Variants in IMMP2L observed in about 807,000 individuals in gnomAD.
IMMP2L encodes the protein inner mitochondrial membrane peptidase subunit 2.
In IMMP2L, 18 loss-of-function variants were observed where a neutral mutation model predicts 19.3. The ratio of observed to expected loss-of-function variants is 0.93; its 90% CI spans 0.64 to 1.38. The LOEUF (loss-of-function observed/expected upper bound fraction) is 1.38. Among genes scored for constraint, IMMP2L ranks in the 40% most tolerant of loss-of-function variants. The pLI is 0.00. For synonymous variants in IMMP2L, 76 were observed against 73.0 expected (o/e 1.04, Z -0.21); for missense variants, 233 against 218.2 (o/e 1.07, Z -0.43).
chr7:111,440,600 G>C (rs942056217), intron 3 of IMMP2L, among the ~76,000 whole-genome samples: 1 of 151,830 alleles, frequency 6.6e-6, no homozygotes, highest in South Asian at 2.1e-4. Context: ...ATAGAGCACA[G>C]TCAGAGCATA....
rs146840813 is a variant in IMMP2L at position 111,164,511 on chromosome 7, A to T, written c.240-200946T>A. ...AAGCTCAGAGATTGACACCAGATGG[A>T]TTTACCAGGAATGGGATGAAAGAGT... On this transcript the variant is annotated intron_variant, in intron 3 of 5. Coordinates refer to ENST00000405709, the MANE Select transcript of IMMP2L (RefSeq NM_032549.4). Among the ~76,000 whole-genome samples, 343 of 151,534 alleles carry T rather than the reference A, an allele frequency of 2.3e-3. 5 individuals carry two copies. Among genetic ancestry groups the T allele is most frequent in the African/African-American group, 8.0e-3 (329 of 40,964 alleles).
intron 4 of IMMP2L, among the ~76,000 whole-genome samples, chr7:110,944,103 T>G (rs1246552363): frequency 6.6e-6 from 1 of 152,008 alleles, no homozygotes; most frequent in East Asian, 1.9e-4. Context: ...TCATTAAATT[T>G]GACAAATACT....
At chr7:111,093,496 T>C (rs1364948939) in intron 3 of IMMP2L, among the ~76,000 whole-genome samples, 1 of 152,150 alleles carries the variant, frequency 6.6e-6, no homozygotes, top group Non-Finnish European at 1.5e-5. Flanking sequence ...TTAATTCAGT[T>C]TTTCTTAGAC....
At position 111,073,847 on chromosome 7, in the gene IMMP2L, T is replaced by C. The variant is rs543489632; in HGVS notation, c.240-110282A>G. 1.1e-4 allele frequency among the ~76,000 whole-genome samples: 16 copies of C among 152,338 alleles called. No individual in the cohort carries two copies. The East Asian group carries it at 2.9e-3, about 28-fold the overall frequency. On this transcript the variant is annotated intron_variant, in intron 3 of 5. Transcript: ENST00000405709. ...TGGTCTGTACACTAATGTTCTTTAA[T>C]TATTAACCTTTGTCTTTGTTGTAGG...
intron 3 of IMMP2L, among the ~76,000 whole-genome samples, chr7:111,018,798 T>C (rs1324167012): frequency 1.9e-5 from 2 of 104,726 alleles, no homozygotes; most frequent in Admixed American, 9.0e-5. Context: ...TTATTATTAT[T>C]ATTATTATTA....
chr7:111,097,502 T>A (rs2129579172), intron 3 of IMMP2L, among the ~76,000 whole-genome samples: 1 of 152,040 alleles, frequency 6.6e-6, no homozygotes, highest in East Asian at 1.9e-4. Flanking sequence ...ACATTTGTTC[T>A]ATAATTTATA....
chr7:111,399,541 G>T (rs1833225481), intron 3 of IMMP2L, among the ~76,000 whole-genome samples: 1 of 151,894 alleles, frequency 6.6e-6, no homozygotes, highest in Non-Finnish European at 1.5e-5. Context: ...TTTTATTAGA[G>T]ACAGGGTTTC....
chr7:111,174,993 CT>C (rs934376159), intron 3 of IMMP2L, among the ~76,000 whole-genome samples: 1 of 151,770 alleles, frequency 6.6e-6, no homozygotes, highest in African/African-American at 2.4e-5. Context: ...CATTAAAAAC[CT>C]TTACATTTTA....
At chr7:110,890,909 G>T (rs908352080) in intron 4 of IMMP2L, among the ~76,000 whole-genome samples, 17 of 152,132 alleles carry the variant, frequency 1.1e-4, no homozygotes, top group African/African-American at 3.6e-4. Context: ...CAAAAGTATT[G>T]TCTAGGTAAT....
At chr7:111,400,844 T>C (rs1394686871) in intron 3 of IMMP2L, among the ~76,000 whole-genome samples, 2 of 152,106 alleles carry the variant, frequency 1.3e-5, no homozygotes, top group African/African-American at 4.8e-5. Flanking sequence ...AGTATTATTT[T>C]ATAATTTTAC....
intron 5 of IMMP2L, among the ~76,000 whole-genome samples, chr7:110,753,594 T>G (rs1019806045): frequency 3.3e-5 from 5 of 152,052 alleles, no homozygotes; most frequent in African/African-American, 1.2e-4. Flanking sequence ...GAATTGCAAA[T>G]GTATTCATTA....
At chr7:111,558,236 C>T (rs923451849) in intron 1 of IMMP2L, among the ~76,000 whole-genome samples, 2 of 152,118 alleles carry the variant, frequency 1.3e-5, no homozygotes, top group African/African-American at 2.4e-5. Context: ...TTCACAACCC[C>T]TCTCCTTTGT....
intron 5 of IMMP2L, among the ~76,000 whole-genome samples, chr7:110,848,708 T>C (rs574483731): frequency 6.6e-6 from 1 of 152,094 alleles, no homozygotes; most frequent in African/African-American, 2.4e-5. Context: ...ATCCAGACAA[T>C]GGAATATTAT....
At chr7:110,853,380 G>C (rs1806440413) in intron 5 of IMMP2L, among the ~76,000 whole-genome samples, 1 of 151,998 alleles carries the variant, frequency 6.6e-6, no homozygotes, top group African/African-American at 2.4e-5. Context: ...TCTCTAGATT[G>C]TGTGTTCATG....
At chr7:111,325,036 G>T (rs1825165303) in intron 3 of IMMP2L, among the ~76,000 whole-genome samples, 3 of 151,732 alleles carry the variant, frequency 2.0e-5, no homozygotes, top group African/African-American at 7.2e-5. Flanking sequence ...ACATAATTGT[G>T]TTCTCTGAAT....
At chr7:110,818,777 G>A (rs1208123768) in intron 5 of IMMP2L, among the ~76,000 whole-genome samples, 1 of 151,976 alleles carries the variant, frequency 6.6e-6, no homozygotes, top group Non-Finnish European at 1.5e-5. Flanking sequence ...ATACTATGCA[G>A]CCATAAAAAA....
At chr7:110,954,886 G>A (rs943095247) in intron 4 of IMMP2L, among the ~76,000 whole-genome samples, 2 of 151,998 alleles carry the variant, frequency 1.3e-5, no homozygotes, top group African/African-American at 4.8e-5. Flanking sequence ...AAAAATAGGT[G>A]TCACCATTAT....
intron 3 of IMMP2L, among the ~76,000 whole-genome samples, chr7:111,172,943 A>C (rs142941806): frequency 6.6e-6 from 1 of 151,792 alleles, no homozygotes; most frequent in Non-Finnish European, 1.5e-5. Context: ...AATCTATGTA[A>C]TAGAACTACT....
rs566499590 is a variant in IMMP2L, at chr7:111,105,381, C to A, written c.240-141816G>T. Among the ~76,000 whole-genome samples the A allele has an allele frequency of 7.9e-5, 12 of 151,938 alleles. No individual in the cohort carries two copies. The East Asian group carries it at 1.7e-3, about 22-fold the overall frequency. On this transcript the variant is annotated intron_variant, in intron 3 of 5. Transcript: ENST00000405709. The stretch of plus-strand genomic sequence containing the variant: ...CAAAGAATGGAATACTAATTCATGA[C>A]AGCATGTTGAAAAGAGCAGATAGAA...
Sources: allele counts gnomAD v4.1 joint callset (sites outside exome capture counted in the v4.1 genomes callset), GRCh38; gene constraint gnomAD v4.1.1; transcripts MANE v1.5; gene names NCBI Gene and HGNC (gene_info 2026-07-23, HGNC 2026-07-21).